SLC9A1: variants seen among roughly 807,000 people sequenced by gnomAD.
SLC9A1 encodes the protein sodium/hydrogen exchanger 1.
A neutral mutation model predicts 67.9 loss-of-function variants in SLC9A1; 22 were observed. The ratio of observed to expected loss-of-function variants is 0.32; its 90% CI spans 0.23 to 0.46. SLC9A1 has a LOEUF of 0.46. SLC9A1 is among the 20% of genes least tolerant of loss of function. SLC9A1 has a pLI of 1.00. For synonymous variants in SLC9A1, 421 were observed against 471.8 expected, an observed-to-expected ratio of 0.89 and a Z score of 1.40; for missense variants, 686 against 1,094.8, an observed-to-expected ratio of 0.63 and a Z score of 5.27.
chr1:27,103,635 A>G (rs1280262577), intron 5 of SLC9A1: 4 of 364,576 alleles, frequency 1.1e-5, no homozygotes, highest in Non-Finnish European at 2.1e-5. Context: ...ACCCCATGGA[A>G]GTCAGGCCCC....
At chr1:27,105,641 G>A (rs2083178234) in intron 5 of SLC9A1, 1 of 689,358 alleles carries the variant, frequency 1.5e-6, no homozygotes, top group Non-Finnish European at 2.7e-6. Flanking sequence ...AAATTAAGTT[G>A]GGCAGCATTC....
rs1208834291 is a variant in SLC9A1 at position 27,106,354 on chromosome 1, A to AG, written c.1283-268dup. Among the ~76,000 whole-genome samples the AG allele has an allele frequency of 5.3e-5, 8 of 152,152 alleles. No individual in the cohort carries two copies. Among genetic ancestry groups the AG allele is most frequent in the Non-Finnish European group, 7.4e-5 (5 of 68,010 alleles). ...TGGCTGGAGGGCTGGGGGCAGGAAG[A>AG]GGGAGAAAAGATCAAACAAGATGGG... On this transcript the variant is annotated intron_variant, in intron 4 of 11. Transcript: ENST00000263980. The surrounding 1 kb of genome is among the most constrained non-coding windows in gnomAD (Gnocchi z 4.3).
At chr1:27,129,640 G>A (rs1258918552) in intron 1 of SLC9A1, among the ~76,000 whole-genome samples, 2 of 152,162 alleles carry the variant, frequency 1.3e-5, no homozygotes, top group Non-Finnish European at 2.9e-5. Flanking sequence ...AGATGCAAAG[G>A]ATGAAGCCCA....
At chr1:27,135,644 C>T (rs757588876) in intron 1 of SLC9A1, among the ~76,000 whole-genome samples, 2 of 151,924 alleles carry the variant, frequency 1.3e-5, no homozygotes, top group African/African-American at 2.4e-5. Flanking sequence ...CTCACAAAAC[C>T]CTACGGAGTA....
chr1:27,102,558 C>A lies in SLC9A1; in HGVS notation c.1647G>T (p.Lys549Asn). 1.9e-6 allele frequency: 3 copies of A among 1,608,308 alleles called. No individual in the cohort carries two copies. The highest frequency in any genetic ancestry group is 2.6e-6 in the Non-Finnish European group (3 of 1,175,936). ...CATATTTCTTATTAAACCGGTTGAG[C>A]CTGGTGGGAGGAGGAGGGAGACGGA... is the stretch of plus-strand genomic sequence containing the variant. ...GHYGHHHWKD[K>N]LNRFNKKYVK... The change falls in exon 8 of 12, where the codon AAG becomes AAT. Residue 549 changes from lysine to asparagine, a missense_variant and splice_region_variant. Physicochemically the swap from Lys to Asn is moderately conservative, Grantham distance 94 (BLOSUM62 0). Transcript: ENST00000263980.
chr1:27,113,767 G>T, intron 2 of SLC9A1, 59 bp downstream of exon 2: 1 of 1,291,896 alleles, frequency 7.7e-7, no homozygotes, highest in Non-Finnish European at 1.1e-6. Context: ...GGATTCACTG[G>T]TGGGCCTGGA....
At chr1:27,112,835 G>A (rs909822408) in intron 2 of SLC9A1, among the ~76,000 whole-genome samples, 2 of 145,930 alleles carry the variant, frequency 1.4e-5, no homozygotes, top group African/African-American at 5.1e-5. Flanking sequence ...AGTGAGCTGA[G>A]CTTGCGTCAC....
intron 1 of SLC9A1, among the ~76,000 whole-genome samples, chr1:27,115,652 A>C (rs1353309514): frequency 4.0e-5 from 6 of 151,824 alleles, no homozygotes; most frequent in Non-Finnish European, 7.4e-5. Flanking sequence ...TCTCCACTTA[A>C]AAAAAATAGC....
At position 27,154,394 on chromosome 1, in the gene SLC9A1, G is replaced by A. The variant is rs549283170; in HGVS notation, c.-60C>T. On this transcript the variant is annotated 5_prime_UTR_variant, in exon 1 of 12. Transcript: ENST00000263980. ...AAATGAGAGTAAAACCGGGCACATA[G>A]GTAGCAAAGGGTCAGCAAGTGGGAA... is the stretch of plus-strand genomic sequence containing the variant. The A allele has an allele frequency of 2.8e-6, 3 of 1,069,000 alleles. No individual in the cohort carries two copies. The highest frequency in any genetic ancestry group is 3.4e-5 in the South Asian group (2 of 59,484). The allele number at this position is 1,069,000 out of a possible 1,614,324, so 66.2% of individuals were successfully genotyped here. A position where few individuals can be genotyped will look rare whatever the true frequency, so the allele number is the denominator to read the frequency against.
intron 1 of SLC9A1, among the ~76,000 whole-genome samples, chr1:27,136,214 C>A (rs939215227): frequency 1.3e-5 from 2 of 152,242 alleles, no homozygotes; most frequent in Admixed American, 1.3e-4. Context: ...CCTGGCTCTC[C>A]AGAAGCCTCA....
At chr1:27,107,953 C>T (rs2083201304) in intron 3 of SLC9A1, 88 bp from the exon 4 acceptor site, 1 of 942,566 alleles carries the variant, frequency 1.1e-6, no homozygotes. Context: ...GGGCCACGAC[C>T]AAGGTGCCCA....
intron 1 of SLC9A1, among the ~76,000 whole-genome samples, chr1:27,125,837 C>T (rs1033989612): frequency 6.6e-6 from 1 of 152,072 alleles, no homozygotes; most frequent in African/African-American, 2.4e-5. Flanking sequence ...GTGATCCGCC[C>T]ACCTCAGCCT....
intron 1 of SLC9A1, among the ~76,000 whole-genome samples, chr1:27,135,940 A>G (rs1202442319): frequency 6.6e-6 from 1 of 152,270 alleles, no homozygotes; most frequent in East Asian, 1.9e-4. Flanking sequence ...TGGTTACCCC[A>G]GAATTATCTG....
chr1:27,154,526 A>G lies in SLC9A1; in HGVS notation c.-192T>C, dbSNP rs995785596. On this transcript the variant is annotated 5_prime_UTR_variant, in exon 1 of 12. Coordinates refer to ENST00000263980, the MANE Select transcript of SLC9A1 (RefSeq NM_003047.5). ...GGCTGGGTTTGCAATCTGGAACTCCAAAGTGGGGAAAGGGGGCAAGGACCC... is the reference window on the plus strand; with the variant it reads ...GGCTGGGTTTGCAATCTGGAACTCCGAAGTGGGGAAAGGGGGCAAGGACCC... 2 of 528,872 alleles carry G rather than the reference A, an allele frequency of 3.8e-6. No homozygotes were observed. The highest frequency in any genetic ancestry group is 6.7e-6 in the Non-Finnish European group (2 of 299,266). 32.8% of individuals were successfully genotyped at this position (528,872 alleles called of 1,614,324 possible). A position where few individuals can be genotyped will look rare whatever the true frequency, so the allele number is the denominator to read the frequency against.
chr1:27,121,526 G>A (rs2083304576), intron 1 of SLC9A1, among the ~76,000 whole-genome samples: 1 of 152,168 alleles, frequency 6.6e-6, no homozygotes, highest in Admixed American at 6.5e-5. Context: ...CAGGCTGGGG[G>A]GCCTGGGCGG....
chr1:27,104,375 CCCA>C (rs2124133939), intron 5 of SLC9A1, among the ~76,000 whole-genome samples: 1 of 152,180 alleles, frequency 6.6e-6, no homozygotes, highest in South Asian at 2.1e-4. Flanking sequence ...AGCCACCGCG[CCCA>C]GCCTCTCTCC....
At position 27,154,129 on chromosome 1, in the gene SLC9A1, G is replaced by A. The variant is rs1037025332; in HGVS notation, c.206C>T (p.Pro69Leu). The change falls in exon 1 of 12, where the codon CCA becomes CTA. Residue 69 changes from proline to leucine, a missense_variant. Physicochemically the swap from Pro to Leu is moderately conservative, Grantham distance 98. Around this residue, in one of 7 missense-constraint regions of SLC9A1, gnomAD observed 143 missense variants for 166.7 expected, o/e 0.86. Transcript: ENST00000263980. ...DVTTAPPEVT[P>L]ESRPVNHSVT... is the part of the protein sequence containing the mutation. ...GGAATGATTAACAGGGCGGCTCTCT[G>A]GGGTGACCTCCGGTGGAGCGGTGGT... 4 of 1,614,150 alleles carry A rather than the reference G, an allele frequency of 2.5e-6. No homozygotes were observed. The highest frequency in any genetic ancestry group is 3.4e-6 in the Non-Finnish European group (4 of 1,180,006).
At chr1:27,107,538 G>T (rs1233122307) in intron 4 of SLC9A1, 110 bp downstream of exon 4, 16 of 791,436 alleles carry the variant, frequency 2.0e-5, no homozygotes, top group Non-Finnish European at 3.3e-5. Flanking sequence ...ACATAGCCTG[G>T]CCCTTCCACA....
chr1:27,120,102 G>A (rs2083294910), intron 1 of SLC9A1, among the ~76,000 whole-genome samples: 1 of 151,906 alleles, frequency 6.6e-6, no homozygotes, highest in Non-Finnish European at 1.5e-5. Flanking sequence ...TTGAGTTTCT[G>A]CTGTGGGGAT....
Sources: allele counts gnomAD v4.1 joint callset (sites outside exome capture counted in the v4.1 genomes callset), GRCh38; gene constraint gnomAD v4.1.1; regional missense constraint gnomAD v4.1.1; non-coding constraint Gnocchi (gnomAD v3.1); transcripts MANE v1.5; gene names NCBI Gene and HGNC (gene_info 2026-07-23, HGNC 2026-07-21).